The following ELL variants were observed in gnomAD, a reference collection of about 807,000 sequenced individuals.
ELL encodes the protein RNA polymerase II elongation factor ELL.
In ELL, 18 loss-of-function variants were observed where a neutral mutation model predicts 64.0. That is an observed-to-expected ratio of 0.28 (90% CI 0.19 to 0.42). The LOEUF is 0.42. Among genes scored for constraint, ELL ranks in the 10% least tolerant of loss-of-function variants. The pLI, the probability that ELL is intolerant of heterozygous loss-of-function variation, is 1.00. For synonymous variants in ELL, 399 were observed against 376.2 expected (o/e 1.06, Z -0.70); for missense variants, 797 against 870.4 (o/e 0.92, Z 1.06).
In ELL at chr19:18,443,206, C is replaced by T. The variant is rs977135232; in HGVS notation, c.*1546G>A. ...TGCTCGGCCCTTCCCCGGCCCGGCCCGGCCCAAAGAGAAAAACAACAACAG... is the reference window on the plus strand; with the variant it reads ...TGCTCGGCCCTTCCCCGGCCCGGCCTGGCCCAAAGAGAAAAACAACAACAG... On this transcript the variant is annotated 3_prime_UTR_variant, in exon 12 of 12. Transcript: ENST00000262809. The T allele has an allele frequency of 3.0e-5, 7 of 231,946 alleles. No individual in the cohort carries two copies. Among genetic ancestry groups the T allele is most frequent in the Non-Finnish European group, 6.0e-5 (7 of 117,242 alleles). 14.4% of individuals were successfully genotyped at this position (231,946 alleles called of 1,614,324 possible).
In ELL at chr19:18,449,924, C is replaced by T. The variant is rs1217372878; in HGVS notation, c.1465+553G>A. Among the ~76,000 whole-genome samples the T allele has an allele frequency of 6.6e-6, 1 of 152,208 alleles. No homozygotes were observed. The highest frequency in any genetic ancestry group is 1.5e-5 in the Non-Finnish European group (1 of 68,022). The stretch of plus-strand genomic sequence containing the variant: ...CCCAGGTCTCCTGGCTCCCCAATCC[C>T]AGCCTGCCAGGCCCTGTCCCCACAG... On this transcript the variant is annotated intron_variant, in intron 8 of 11. Coordinates refer to ENST00000262809, the MANE Select transcript of ELL (RefSeq NM_006532.4). This position sits in a 1 kb window ranked among gnomAD's most constrained non-coding sequence, Gnocchi z 4.4.
At chr19:18,477,269 G>A (rs373861708) in intron 1 of ELL, among the ~76,000 whole-genome samples, 1 of 152,148 alleles carries the variant, frequency 6.6e-6, no homozygotes, top group African/African-American at 2.4e-5. Context: ...AAAGGGCAGC[G>A]AACTTGAAGA....
intron 1 of ELL, among the ~76,000 whole-genome samples, chr19:18,473,498 C>T (rs897149149): frequency 6.6e-6 from 1 of 152,234 alleles, no homozygotes; most frequent in African/African-American, 2.4e-5. Context: ...CTGAGGCCTG[C>T]ACAGCTCCAC....
At chr19:18,511,807 C>A (rs559828735) in intron 1 of ELL, among the ~76,000 whole-genome samples, 1 of 151,684 alleles carries the variant, frequency 6.6e-6, no homozygotes, top group African/African-American at 2.4e-5. Context: ...CTGCTTGAGC[C>A]CAGGAGTTCG....
chr19:18,462,385 G>A (rs866482392), intron 4 of ELL, among the ~76,000 whole-genome samples: 16 of 74,546 alleles, frequency 2.1e-4, no homozygotes, highest in African/African-American at 9.7e-4. Flanking sequence ...GGCGGGGGGG[G>A]AAGGATTGTT....
chr19:18,500,740 T>C (rs145533341), intron 1 of ELL, among the ~76,000 whole-genome samples: 3 of 152,236 alleles, frequency 2.0e-5, no homozygotes, highest in South Asian at 2.1e-4. Context: ...TTGTGCAAAA[T>C]AGCTCTGGGA....
intron 6 of ELL, among the ~76,000 whole-genome samples, chr19:18,455,522 C>T (rs544191776): frequency 4.7e-5 from 7 of 150,426 alleles, no homozygotes; most frequent in African/African-American, 9.8e-5. Flanking sequence ...CATGCTCCTA[C>T]GAAAACGCAA....
intron 2 of ELL, among the ~76,000 whole-genome samples, chr19:18,466,199 A>G (rs1423023260): frequency 6.6e-6 from 1 of 152,222 alleles, no homozygotes; most frequent in African/African-American, 2.4e-5. Context: ...GACAGTGCTC[A>G]GCACCTGCCC....
chr19:18,456,379 A>G (rs76184771), intron 6 of ELL, among the ~76,000 whole-genome samples: 23,057 of 152,032 alleles, frequency 0.15, 1,862 homozygotes, highest in South Asian at 0.2. Flanking sequence ...TGGACTCTAC[A>G]AGTCTAGATG....
At chr19:18,486,369 A>G (rs1255990603) in intron 1 of ELL, among the ~76,000 whole-genome samples, 1 of 152,086 alleles carries the variant, frequency 6.6e-6, no homozygotes, top group Non-Finnish European at 1.5e-5. Flanking sequence ...CCCAAGATGT[A>G]CTCTGTGACC....
At chr19:18,498,649 A>C (rs1384618328) in intron 1 of ELL, among the ~76,000 whole-genome samples, 2 of 152,138 alleles carry the variant, frequency 1.3e-5, no homozygotes, top group Non-Finnish European at 2.9e-5. Context: ...CCGGATGGGT[A>C]GACAGGCTGG....
chr19:18,481,446 C>T (rs942981955), intron 1 of ELL, among the ~76,000 whole-genome samples: 2 of 152,176 alleles, frequency 1.3e-5, no homozygotes, highest in African/African-American at 4.8e-5. Flanking sequence ...TCACCCTAAT[C>T]TCTGCCCACT....
At chr19:18,472,763 G>T in intron 2 of ELL, 72 bp downstream of exon 2, 1 of 1,532,264 alleles carries the variant, frequency 6.5e-7, no homozygotes, top group Non-Finnish European at 8.9e-7. Context: ...GCTGTACCCA[G>T]CGAGCAAGGA....
At chr19:18,494,350 A>C (rs2144957592) in intron 1 of ELL, among the ~76,000 whole-genome samples, 1 of 152,184 alleles carries the variant, frequency 6.6e-6, no homozygotes, top group East Asian at 1.9e-4. Flanking sequence ...ATCAGCTCCC[A>C]GCCCACGTAG....
chr19:18,493,344 CCT>C (rs1975572844), intron 1 of ELL, among the ~76,000 whole-genome samples: 1 of 152,240 alleles, frequency 6.6e-6, no homozygotes, highest in Non-Finnish European at 1.5e-5. Flanking sequence ...GTGCTGCGGC[CCT>C]GAGGGGCTTG....
At chr19:18,459,935 A>C (rs942244293) in intron 5 of ELL, among the ~76,000 whole-genome samples, 1 of 152,224 alleles carries the variant, frequency 6.6e-6, no homozygotes, top group Non-Finnish European at 1.5e-5. Flanking sequence ...GGTTGGCAAC[A>C]GTTTCCTTCG....
chr19:18,447,781 T>C (rs1253595118), intron 8 of ELL, among the ~76,000 whole-genome samples: 2 of 151,826 alleles, frequency 1.3e-5, no homozygotes, highest in Non-Finnish European at 2.9e-5. Context: ...GTATCCTCAA[T>C]ACACTTTTTT....
intron 1 of ELL, among the ~76,000 whole-genome samples, chr19:18,498,548 C>A (rs1975711006): frequency 6.6e-6 from 1 of 152,188 alleles, no homozygotes; most frequent in East Asian, 1.9e-4. Flanking sequence ...GTGTCACGAC[C>A]AGGACAGAAG....
rs75929242 is a variant in ELL, at chr19:18,501,827, G to A, written c.135+20094C>T. 0.017 allele frequency among the ~76,000 whole-genome samples: 2,648 copies of A among 152,310 alleles called. 67 individuals carry two copies. Among genetic ancestry groups the A allele is most frequent in the African/African-American group, 0.059 (2,450 of 41,562 alleles). ...CCCCACATCCTCAACCTCCAGCTAC[G>A]TGTCTGCGGGTGGGCAGGAAGGAGG... On this transcript the variant is annotated intron_variant, in intron 1 of 11. Transcript: ENST00000262809. This position sits in a 1 kb window ranked among gnomAD's most constrained non-coding sequence, Gnocchi z 4.5.
Sources: gnomAD v4.1 joint callset for allele counts (sites outside exome capture counted in the v4.1 genomes callset) on GRCh38, gnomAD v4.1.1 for gene constraint, Gnocchi (gnomAD v3.1) non-coding constraint, MANE v1.5 for transcripts, NCBI Gene and HGNC (gene_info 2026-07-23, HGNC 2026-07-21) for gene names.